SLC22A3: variants seen among roughly 807,000 people sequenced by gnomAD.
SLC22A3 encodes the protein EMT organic cation transporter 3.
In SLC22A3, 51 loss-of-function variants were observed where a neutral mutation model predicts 59.1. That is an observed-to-expected ratio of 0.86 (90% CI 0.69 to 1.09). SLC22A3 has a LOEUF of 1.09. Among genes scored for constraint, SLC22A3 ranks in the 50% least tolerant of loss-of-function variants. The pLI is 0.00. For synonymous variants in SLC22A3, 325 were observed against 292.0 expected (o/e 1.11, Z -1.15); for missense variants, 711 against 726.3 (o/e 0.98, Z 0.24).
intron 9 of SLC22A3, among the ~76,000 whole-genome samples, chr6:160,446,313 A>G (rs1365725428): frequency 2.0e-5 from 3 of 152,132 alleles, no homozygotes; most frequent in African/African-American, 7.2e-5. Flanking sequence ...GGCACCTCCC[A>G]CTCACCAGGG....
intron 7 of SLC22A3, among the ~76,000 whole-genome samples, chr6:160,440,579 C>A (rs900758866): frequency 3.3e-5 from 5 of 152,110 alleles, no homozygotes; most frequent in African/African-American, 9.7e-5. Flanking sequence ...TTTAAATTGC[C>A]CTGTGGTTTT....
At chr6:160,365,725 T>C (rs868542101) in intron 1 of SLC22A3, among the ~76,000 whole-genome samples, 3 of 152,336 alleles carry the variant, frequency 2.0e-5, no homozygotes, top group South Asian at 2.1e-4. Context: ...TGTATTACCC[T>C]GTTCTCATGC....
chr6:160,355,763 C>G (rs994395110), intron 1 of SLC22A3, among the ~76,000 whole-genome samples: 7 of 150,880 alleles, frequency 4.6e-5, no homozygotes, highest in African/African-American at 1.7e-4. Context: ...CAGTTAGAGA[C>G]TCTGTCTCAA....
chr6:160,372,479 G>C (rs1362056828), intron 1 of SLC22A3, among the ~76,000 whole-genome samples: 1 of 152,006 alleles, frequency 6.6e-6, no homozygotes, highest in Non-Finnish European at 1.5e-5. Flanking sequence ...TGTATCTTGG[G>C]GTTGCTCTTC....
At chr6:160,387,208 C>A (rs1186966868) in intron 1 of SLC22A3, among the ~76,000 whole-genome samples, 1 of 152,246 alleles carries the variant, frequency 6.6e-6, no homozygotes, top group Non-Finnish European at 1.5e-5. Flanking sequence ...GATGCATAAA[C>A]AGGCCCAGCC....
chr6:160,422,118 T>A (rs981386716), intron 5 of SLC22A3, among the ~76,000 whole-genome samples: 4 of 152,208 alleles, frequency 2.6e-5, no homozygotes, highest in African/African-American at 4.8e-5. Flanking sequence ...TGCTAGACCT[T>A]GGACCCACCA....
chr6:160,356,443 A>G (rs576073375), intron 1 of SLC22A3, among the ~76,000 whole-genome samples: 1 of 152,332 alleles, frequency 6.6e-6, no homozygotes, highest in African/African-American at 2.4e-5. Flanking sequence ...TAATGTGCTG[A>G]CGTCCATTGT....
intron 1 of SLC22A3, among the ~76,000 whole-genome samples, chr6:160,359,295 A>G (rs1173996540): frequency 2.6e-5 from 4 of 152,246 alleles, no homozygotes; most frequent in African/African-American, 9.6e-5. Flanking sequence ...GGGTTGAAGT[A>G]AATTTGGGCT....
intron 1 of SLC22A3, among the ~76,000 whole-genome samples, chr6:160,394,292 C>T (rs180790562): frequency 2.1e-4 from 32 of 152,338 alleles, no homozygotes; most frequent in Admixed American, 1.2e-3. Context: ...TCCCAAGGAA[C>T]TACAACAAGC....
chr6:160,349,432 G>A (rs1021190029), intron 1 of SLC22A3, among the ~76,000 whole-genome samples: 5 of 152,232 alleles, frequency 3.3e-5, no homozygotes, highest in African/African-American at 1.2e-4. Flanking sequence ...GGGGCAAAGA[G>A]CAACATCTGG....
intron 5 of SLC22A3, among the ~76,000 whole-genome samples, chr6:160,417,111 A>G (rs995946957): frequency 6.6e-6 from 1 of 152,216 alleles, no homozygotes; most frequent in Non-Finnish European, 1.5e-5. Flanking sequence ...TGACAGCAGT[A>G]TCTCTCTGTA....
At chr6:160,396,869 T>C (rs1348645607) in intron 1 of SLC22A3, among the ~76,000 whole-genome samples, 2 of 152,176 alleles carry the variant, frequency 1.3e-5, no homozygotes, top group Non-Finnish European at 2.9e-5. Flanking sequence ...AATTTATATA[T>C]GTAACTTATT....
At chr6:160,399,652 C>T (rs78093275) in intron 2 of SLC22A3, among the ~76,000 whole-genome samples, 2,037 of 152,112 alleles carry the variant, frequency 0.013, 40 homozygotes, top group Middle Eastern at 0.075. Context: ...GAAGGAAGAA[C>T]AAGAAATAAC....
intron 2 of SLC22A3, among the ~76,000 whole-genome samples, chr6:160,405,307 C>T (rs1786968082): frequency 6.6e-6 from 1 of 152,026 alleles, no homozygotes; most frequent in African/African-American, 2.4e-5. Context: ...TGAAATGATG[C>T]TCTACGTCAT....
intron 1 of SLC22A3, among the ~76,000 whole-genome samples, chr6:160,370,065 T>C (rs961018100): frequency 3.9e-5 from 6 of 152,196 alleles, no homozygotes; most frequent in Non-Finnish European, 7.3e-5. Context: ...CCTAGCATGG[T>C]GGCTGCAGAC....
chr6:160,438,226 G>A (rs1251720162), intron 7 of SLC22A3, among the ~76,000 whole-genome samples: 1 of 152,142 alleles, frequency 6.6e-6, no homozygotes, highest in Admixed American at 6.5e-5. Flanking sequence ...GATGTGTGGT[G>A]AGCAGCACCC....
chr6:160,404,585 A>C (rs1786926461), intron 2 of SLC22A3, among the ~76,000 whole-genome samples: 1 of 152,134 alleles, frequency 6.6e-6, no homozygotes, highest in Non-Finnish European at 1.5e-5. Flanking sequence ...GGATATTGAC[A>C]AACTAGTTCT....
intron 5 of SLC22A3, among the ~76,000 whole-genome samples, chr6:160,432,431 A>AG (rs1562499000): frequency 2.2e-5 from 3 of 138,886 alleles, no homozygotes; most frequent in Admixed American, 1.4e-4. Flanking sequence ...ATGTAGGCTT[A>AG]ATTTTTTTTT....
At chr6:160,391,906 A>G (rs1786274960) in intron 1 of SLC22A3, among the ~76,000 whole-genome samples, 1 of 152,234 alleles carries the variant, frequency 6.6e-6, no homozygotes, top group Non-Finnish European at 1.5e-5. Context: ...ATGCATTTAG[A>G]AGACATCTCT....
Sources: gnomAD v4.1 joint callset for allele counts (sites outside exome capture counted in the v4.1 genomes callset) on GRCh38, gnomAD v4.1.1 for gene constraint, MANE v1.5 for transcripts, NCBI Gene and HGNC (gene_info 2026-07-23, HGNC 2026-07-21) for gene names.